The following NRCAM variants were observed in gnomAD, a reference collection of about 807,000 sequenced individuals.
NRCAM encodes the protein NgCAM-related cell adhesion molecule.
A neutral mutation model predicts 156.5 loss-of-function variants in NRCAM; 83 were observed. That is an observed-to-expected ratio of 0.53 (90% CI 0.44 to 0.64). The LOEUF (loss-of-function observed/expected upper bound fraction) is 0.64. Ranked by LOEUF, NRCAM falls within the 30% of genes least tolerant of loss-of-function variation. The pLI, the probability that NRCAM is intolerant of heterozygous loss-of-function variation, is 0.00. For synonymous variants in NRCAM, 538 were observed against 563.9 expected, an observed-to-expected ratio of 0.95 and a Z score of 0.65; for missense variants, 1,417 against 1,597.3, an observed-to-expected ratio of 0.89 and a Z score of 1.92.
At chr7:108,314,723 T>C (rs750258934) in intron 2 of NRCAM, among the ~76,000 whole-genome samples, 15 of 152,198 alleles carry the variant, frequency 9.9e-5, no homozygotes, top group Non-Finnish European at 1.6e-4. Flanking sequence ...GACACATTTT[T>C]TTGCTGGACT....
intron 2 of NRCAM, 63 bp from the exon 3 acceptor site, chr7:108,312,794 T>C (rs2098820536): frequency 6.6e-6 from 1 of 152,084 alleles, no homozygotes; most frequent in African/African-American, 2.4e-5. Context: ...CACAGCAGAG[T>C]GTCAATATAT....
intron 1 of NRCAM, among the ~76,000 whole-genome samples, chr7:108,454,106 T>C (rs916796148): frequency 6.6e-6 from 1 of 152,132 alleles, no homozygotes; most frequent in Admixed American, 6.5e-5. Flanking sequence ...CTGTAATGGG[T>C]TGGATTGTGG....
At chr7:108,375,834 G>A (rs576829458) in intron 2 of NRCAM, among the ~76,000 whole-genome samples, 3 of 152,130 alleles carry the variant, frequency 2.0e-5, no homozygotes, top group Non-Finnish European at 4.4e-5. Context: ...CTCTTGTAGA[G>A]GAAATAATGT....
At chr7:108,209,643 A>T in intron 11 of NRCAM, 38 bp from the exon 12 acceptor site, 1 of 1,455,256 alleles carries the variant, frequency 6.9e-7, no homozygotes. Flanking sequence ...ACAAAAAAGG[A>T]ATCCACCTAT....
intron 15 of NRCAM, among the ~76,000 whole-genome samples, chr7:108,194,641 G>GT (rs1480823889): frequency 6.6e-6 from 1 of 152,230 alleles, no homozygotes; most frequent in Non-Finnish European, 1.5e-5. Flanking sequence ...ATGAAACAAA[G>GT]TGAGTGTGAA....
chr7:108,435,172 C>T (rs1254819599), intron 1 of NRCAM, among the ~76,000 whole-genome samples: 1 of 152,104 alleles, frequency 6.6e-6, no homozygotes, highest in African/African-American at 2.4e-5. Context: ...AAATCTGATG[C>T]CAATTTCTCA....
chr7:108,159,278 T>G lies in NRCAM; in HGVS notation c.3677+185A>C. ...TTATGACTAAAATCAAAATTTAGTT[T>G]TTCAATGAAAAATGAAAATGTTTGA... On this transcript the variant is annotated intron_variant, in intron 32 of 32. Transcript: ENST00000379028. 5.4e-6 allele frequency: 4 copies of G among 737,842 alleles called. No homozygotes were observed. The Middle Eastern group carries it at 9.6e-4, about 176-fold the overall frequency. 45.7% of individuals were successfully genotyped at this position (737,842 alleles called of 1,614,324 possible).
intron 3 of NRCAM, among the ~76,000 whole-genome samples, chr7:108,279,658 C>G (rs1459095357): frequency 1.4e-5 from 2 of 143,220 alleles, no homozygotes; most frequent in Non-Finnish European, 3.0e-5. Context: ...CACCCCTGGG[C>G]TCAAAGAATC....
chr7:108,420,257 A>G (rs1015372339), intron 1 of NRCAM, among the ~76,000 whole-genome samples: 2 of 152,116 alleles, frequency 1.3e-5, no homozygotes, highest in African/African-American at 4.8e-5. Flanking sequence ...TACTATAGAG[A>G]TTCTGCTTTT....
chr7:108,242,167 T>A (rs148626387), intron 3 of NRCAM, among the ~76,000 whole-genome samples: 6,123 of 141,658 alleles, frequency 0.043, 168 homozygotes, highest in Middle Eastern at 0.079. Context: ...CCCAGCTACT[T>A]GGGAGGCTGA....
intron 19 of NRCAM, among the ~76,000 whole-genome samples, chr7:108,190,628 G>T (rs1207947029): frequency 1.3e-5 from 2 of 152,112 alleles, no homozygotes; most frequent in East Asian, 3.8e-4. Flanking sequence ...AAAGATGAAG[G>T]TTCTCTAAAT....
chr7:108,242,258 CAAA>C (rs11413420), intron 3 of NRCAM, among the ~76,000 whole-genome samples: 1 of 98,516 alleles, frequency 1.0e-5, no homozygotes. Flanking sequence ...GACCCCGTCT[CAAA>C]AAAAAAAAAA....
intron 11 of NRCAM, among the ~76,000 whole-genome samples, chr7:108,216,557 C>T (rs574053685): frequency 2.0e-5 from 3 of 152,168 alleles, no homozygotes; most frequent in Admixed American, 1.3e-4. Flanking sequence ...ACCAATCAAA[C>T]GTAGGTTTGG....
intron 2 of NRCAM, among the ~76,000 whole-genome samples, chr7:108,361,011 G>T (rs2099546719): frequency 6.6e-6 from 1 of 151,998 alleles, no homozygotes; most frequent in Admixed American, 6.6e-5. Flanking sequence ...CACTTCAAAG[G>T]ACATCATCAT....
chr7:108,232,591 A>T, intron 6 of NRCAM, 69 bp from the exon 7 acceptor site: 1 of 1,150,596 alleles, frequency 8.7e-7, no homozygotes, highest in East Asian at 2.6e-5. Context: ...ACAAATTCCT[A>T]GCAGTTTTAT....
At chr7:108,165,797 ATGC>A (rs2053703024) in intron 30 of NRCAM, among the ~76,000 whole-genome samples, 1 of 152,244 alleles carries the variant, frequency 6.6e-6, no homozygotes, top group South Asian at 2.1e-4. Context: ...AAAAATCATA[ATGC>A]TTTGTTAATG....
At chr7:108,225,796 G>C in intron 9 of NRCAM, 95 bp from the exon 10 acceptor site, 1 of 799,068 alleles carries the variant, frequency 1.3e-6, no homozygotes, top group Non-Finnish European at 2.3e-6. Context: ...CAGCTATCCT[G>C]ACCGAGTGCT....
At chr7:108,439,864 A>T (rs1407535650) in intron 1 of NRCAM, among the ~76,000 whole-genome samples, 2 of 151,340 alleles carry the variant, frequency 1.3e-5, no homozygotes, top group Non-Finnish European at 2.9e-5. Flanking sequence ...AGGACAGGCA[A>T]TACTAAAGAT....
At chr7:108,225,062 A>T (rs899349677) in intron 10 of NRCAM, among the ~76,000 whole-genome samples, 2 of 152,210 alleles carry the variant, frequency 1.3e-5, no homozygotes, top group African/African-American at 4.8e-5. Context: ...AATCAAATTC[A>T]TTTCTATCTA....
Sources: gnomAD v4.1 joint callset for allele counts (sites outside exome capture counted in the v4.1 genomes callset) on GRCh38, gnomAD v4.1.1 for gene constraint, MANE v1.5 for transcripts, NCBI Gene and HGNC (gene_info 2026-07-23, HGNC 2026-07-21) for gene names.